Variants in DNAH9 observed in about 807,000 individuals in gnomAD.
DNAH9 encodes the protein DNAH9 variant protein.
DNAH9 carries 345 observed loss-of-function variants against 471.6 expected under a neutral mutation model. The observed-to-expected ratio is 0.73, with a 90% confidence interval of 0.67 to 0.80. The LOEUF (loss-of-function observed/expected upper bound fraction) is 0.80, where lower values mean the gene tolerates loss of function less well. DNAH9 is among the 30% of genes least tolerant of loss of function. The probability of loss-of-function intolerance (pLI) is 0.00; values close to 1 mark genes in which losing one functional copy is unlikely to be tolerated. For missense variants in DNAH9, 5,407 were observed against 5,609.2 expected (o/e 0.96, Z 1.15); for synonymous variants, 2,093 against 2,123.6 (o/e 0.99, Z 0.40).
chr17:11,893,349 T>A (rs1973119494), intron 58 of DNAH9, among the ~76,000 whole-genome samples: 1 of 152,016 alleles, frequency 6.6e-6, no homozygotes, highest in Admixed American at 6.6e-5. Context: ...AATATCCCCA[T>A]CTCTTAGCTT....
chr17:11,694,853 C>T (rs376749031), intron 22 of DNAH9, among the ~76,000 whole-genome samples: 2 of 664 alleles, frequency 3.0e-3, no homozygotes, highest in African/African-American at 4.2e-3. Context: ...TCCTTCCTTC[C>T]TTCCTTCCTT....
At chr17:11,689,532 C>A (rs774444554) in intron 19 of DNAH9, 34 bp from the exon 20 acceptor site, 27 of 1,569,624 alleles carry the variant, frequency 1.7e-5, no homozygotes, top group Non-Finnish European at 3.5e-6. Flanking sequence ...CCCCTGCGTG[C>A]CATACTTACA....
Position 11,610,414 on chromosome 17 carries a change from G to A in DNAH9, c.633G>A (p.Lys211=), listed in dbSNP as rs2072609585. The A allele has an allele frequency of 2.5e-6, 4 of 1,613,148 alleles. No individual in the cohort carries two copies. Among genetic ancestry groups the A allele is most frequent in the Non-Finnish European group, 3.4e-6 (4 of 1,179,508 alleles). ...TTCACAGCTTGGATTCTATAGATAA[G>A]TCAGTCATCTATGCCATTGAGTCTG... ...KSETVLDSID[K]SVIYAIESAV... Residue 211 remains lysine, a synonymous_variant, in exon 3 of 69, where the codon AAG becomes AAA. Coordinates refer to ENST00000262442, the MANE Select transcript of DNAH9 (RefSeq NM_001372.4).
At chr17:11,740,834 C>A (rs1339099830) in intron 29 of DNAH9, among the ~76,000 whole-genome samples, 1 of 152,092 alleles carries the variant, frequency 6.6e-6, no homozygotes, top group Non-Finnish European at 1.5e-5. Context: ...GCCCCTATTC[C>A]TCCCCGCCCC....
chr17:11,867,427 A>G (rs1200285144), intron 50 of DNAH9, among the ~76,000 whole-genome samples: 1 of 151,772 alleles, frequency 6.6e-6, no homozygotes, highest in Non-Finnish European at 1.5e-5. Context: ...TGATTTTGTT[A>G]TATTTTATAT....
intron 62 of DNAH9, among the ~76,000 whole-genome samples, chr17:11,928,631 T>A (rs1974405192): frequency 6.6e-6 from 1 of 150,892 alleles, no homozygotes; most frequent in Non-Finnish European, 1.5e-5. Context: ...GGAGACAGGC[T>A]CAAAGACCAG....
chr17:11,947,133 T>C (rs1222371850), intron 67 of DNAH9, among the ~76,000 whole-genome samples: 2 of 152,174 alleles, frequency 1.3e-5, no homozygotes, highest in East Asian at 3.8e-4. Flanking sequence ...AGAAAGGAAT[T>C]CTTTTGGGAA....
chr17:11,641,728 C>T (rs1203830219), intron 10 of DNAH9, among the ~76,000 whole-genome samples: 1 of 152,042 alleles, frequency 6.6e-6, no homozygotes. Context: ...GGTGCCAGGG[C>T]TGCCCCTAGA....
chr17:11,744,248 A>G (rs781404820), intron 30 of DNAH9, among the ~76,000 whole-genome samples: 4 of 152,156 alleles, frequency 2.6e-5, no homozygotes, highest in Admixed American at 6.6e-5. Context: ...TCTGCCCACT[A>G]CAGCTCCTTC....
intron 55 of DNAH9, 86 bp from the exon 56 acceptor site, chr17:11,883,500 A>G: frequency 6.7e-7 from 1 of 1,497,806 alleles, no homozygotes; most frequent in Non-Finnish European, 9.1e-7. Flanking sequence ...CTTTAAGGCA[A>G]GGGACTCTCG....
At chr17:11,663,767 A>G (rs2073817124) in intron 14 of DNAH9, among the ~76,000 whole-genome samples, 1 of 152,272 alleles carries the variant, frequency 6.6e-6, no homozygotes, top group Non-Finnish European at 1.5e-5. Context: ...CATAAACACT[A>G]GAAGTGATTT....
At chr17:11,711,915 T>A (rs375217386) in intron 26 of DNAH9, among the ~76,000 whole-genome samples, 612 of 35,764 alleles carry the variant, frequency 0.017, 162 homozygotes, top group South Asian at 0.045. Flanking sequence ...TTTGTATATA[T>A]ATTTATATAT....
At chr17:11,753,643 G>T (rs1967251573) in intron 33 of DNAH9, among the ~76,000 whole-genome samples, 1 of 152,226 alleles carries the variant, frequency 6.6e-6, no homozygotes, top group African/African-American at 2.4e-5. Flanking sequence ...TCCAGCCTGG[G>T]CAACAAGAGC....
intron 48 of DNAH9, among the ~76,000 whole-genome samples, chr17:11,829,495 T>G (rs1970616251): frequency 6.6e-6 from 1 of 152,184 alleles, no homozygotes; most frequent in Admixed American, 6.5e-5. Flanking sequence ...TTTTTGAGAC[T>G]GAGTCTCACT....
chr17:11,761,581 C>A (rs946960463), intron 35 of DNAH9, among the ~76,000 whole-genome samples: 3 of 152,234 alleles, frequency 2.0e-5, no homozygotes, highest in African/African-American at 7.2e-5. Flanking sequence ...CCCTGCTGCA[C>A]ACAGCCCACA....
rs115418826 is a variant in DNAH9 at position 11,837,479 on chromosome 17, C to T, written c.9507+2581C>T. On this transcript the variant is annotated intron_variant, in intron 49 of 68. Coordinates refer to ENST00000262442, the MANE Select transcript of DNAH9 (RefSeq NM_001372.4). The stretch of plus-strand genomic sequence containing the variant: ...ATCCAATCTATTAACAAACTACTTT[C>T]AAAATATATCCAAAATTCAAATACT... Among the ~76,000 whole-genome samples, 947 of 152,282 alleles carry T rather than the reference C, an allele frequency of 6.2e-3. 8 individuals are homozygous for T. The highest frequency in any genetic ancestry group is 0.02 in the African/African-American group (846 of 41,548).
chr17:11,886,776 G>T, intron 56 of DNAH9, 49 bp from the exon 57 acceptor site: 1 of 1,555,220 alleles, frequency 6.4e-7, no homozygotes, highest in South Asian at 1.2e-5. Context: ...TGATTCTCAG[G>T]AAGCCCAGGT....
At chr17:11,854,525 G>GAGA in intron 50 of DNAH9, 97 bp downstream of exon 50, 1 of 1,384,958 alleles carries the variant, frequency 7.2e-7, no homozygotes, top group Non-Finnish European at 9.6e-7. Context: ...GGTTTTTAAA[G>GAGA]AGAAGCAGGA....
chr17:11,891,851 C>A lies in DNAH9; in HGVS notation c.11187C>A (p.Asn3729Lys). The change falls in exon 58 of 69, where the codon AAC becomes AAA. Residue 3729 changes from asparagine (N) to lysine (K), a missense_variant. Transcript: ENST00000262442. ...PDESLRERVA[N>K]LIDSITFSVY... is the part of the protein sequence containing the mutation. ...AAAGCCTCAGGGAGCGGGTGGCCAA[C>A]CTAATAGACAGCATAACCTTCTCTG... The A allele has an allele frequency of 6.2e-7, 1 of 1,614,116 alleles. No homozygotes were observed. The highest frequency in any genetic ancestry group is 8.5e-7 in the Non-Finnish European group (1 of 1,180,018).
Sources: gnomAD v4.1 joint callset for allele counts (sites outside exome capture counted in the v4.1 genomes callset) on GRCh38, gnomAD v4.1.1 for gene constraint, MANE v1.5 for transcripts, NCBI Gene and HGNC (gene_info 2026-07-23, HGNC 2026-07-21) for gene names.